PDPK1: variants seen among roughly 807,000 people sequenced by gnomAD.
The protein encoded by PDPK1 is 3-phosphoinositide-dependent protein kinase 1.
In PDPK1, 7 loss-of-function variants were observed where a neutral mutation model predicts 39.8. The observed-to-expected ratio is 0.18, with a 90% CI of 0.10 to 0.33. PDPK1 has a LOEUF of 0.33. Among genes scored for constraint, PDPK1 ranks in the 10% least tolerant of loss-of-function variants. PDPK1 has a pLI of 1.00. For missense variants in PDPK1, 182 were observed against 384.7 expected (o/e 0.47, Z 4.41); for synonymous variants, 118 against 159.1 (o/e 0.74, Z 1.95).
At chr16:2,590,921 T>C (rs1422714107) in intron 11 of PDPK1, among the ~76,000 whole-genome samples, 1 of 152,066 alleles carries the variant, frequency 6.6e-6, no homozygotes, top group African/African-American at 2.4e-5. Context: ...AGTGGTGGGA[T>C]TACAGGCGTG....
chr16:2,587,035 A>G, intron 11 of PDPK1, 142 bp downstream of exon 11: 1 of 735,262 alleles, frequency 1.4e-6, no homozygotes, highest in South Asian at 1.7e-5. Context: ...GTAAGTGCAC[A>G]GTTGGAAACA....
intron 10 of PDPK1, among the ~76,000 whole-genome samples, chr16:2,586,436 C>T (rs1264700944): frequency 1.3e-5 from 2 of 152,250 alleles, no homozygotes; most frequent in Non-Finnish European, 2.9e-5. Flanking sequence ...TCTGAGGCTT[C>T]GCCCCTCTCT....
At chr16:2,584,991 C>T (rs540393336) in intron 10 of PDPK1, among the ~76,000 whole-genome samples, 27 of 152,326 alleles carry the variant, frequency 1.8e-4, no homozygotes, top group African/African-American at 6.0e-4. Flanking sequence ...GCTGTTGCTG[C>T]AGAGGTTTTG....
At chr16:2,544,819 C>T (rs748343960) in intron 1 of PDPK1, among the ~76,000 whole-genome samples, 34 of 152,084 alleles carry the variant, frequency 2.2e-4, no homozygotes, top group Non-Finnish European at 3.5e-4. Context: ...CTCCTGACCT[C>T]GTGATCCGCC....
chr16:2,597,935 A>G lies in PDPK1; in HGVS notation c.*168A>G, dbSNP rs997224730. 1.2e-5 allele frequency: 7 copies of G among 590,734 alleles called. No individual in the cohort carries two copies. Among genetic ancestry groups the G allele is most frequent in the Non-Finnish European group, 2.1e-5 (7 of 332,544 alleles). The allele number at this position is 590,734 out of a possible 1,614,324, so 36.6% of individuals were successfully genotyped here. ...AAGAAAAGAAGAAAAAAAACACCCA[A>G]CCACACAAAGAACAAAACCAGTAAC... On this transcript the variant is annotated 3_prime_UTR_variant, in exon 14 of 14. Transcript: ENST00000342085. This position sits in a 1 kb window ranked among gnomAD's most constrained non-coding sequence, Gnocchi z 6.3.
At chr16:2,540,356 C>T (rs1234492544) in intron 1 of PDPK1, among the ~76,000 whole-genome samples, 4 of 152,206 alleles carry the variant, frequency 2.6e-5, no homozygotes, top group Non-Finnish European at 5.9e-5. Flanking sequence ...TCAAGACAGG[C>T]GCTTCCCTAG....
Position 2,599,051 on chromosome 16 carries a change from C to CA in PDPK1, c.*1285dup, listed in dbSNP as rs1327826920. 1 of 233,368 alleles carries CA rather than the reference C, an allele frequency of 4.3e-6. No homozygotes were observed. Among genetic ancestry groups the CA allele is most frequent in the Non-Finnish European group, 8.5e-6 (1 of 118,180 alleles). 14.5% of individuals were successfully genotyped at this position (233,368 alleles called of 1,614,324 possible). A position where few individuals can be genotyped will look rare whatever the true frequency, so the allele number is the denominator to read the frequency against. The stretch of plus-strand genomic sequence containing the variant: ...CTCTAGAGAGAGCCGGTTTTGGGGC[C>CA]ATTTCCCTTTGATGCTTTGGTGGCC... On this transcript the variant is annotated 3_prime_UTR_variant, in exon 14 of 14. Transcript: ENST00000342085.
intron 1 of PDPK1, chr16:2,538,999 C>G (rs1480648235): frequency 4.3e-6 from 1 of 232,290 alleles, no homozygotes; most frequent in African/African-American, 2.4e-5. Flanking sequence ...ATGGCTTTAA[C>G]ATTTGATTTA....
intron 1 of PDPK1, among the ~76,000 whole-genome samples, chr16:2,553,517 T>TTTA (rs2066456342): frequency 8.1e-6 from 1 of 123,018 alleles, no homozygotes; most frequent in Non-Finnish European, 1.7e-5. Flanking sequence ...TTTTTTTTTT[T>TTTA]TTATTAGATG....
rs906520793 is a variant in PDPK1 at position 2,603,148 on chromosome 16, G to A, written c.*5381G>A. The A allele has an allele frequency of 1.1e-4, 25 of 219,850 alleles. No homozygotes were observed. The highest frequency in any genetic ancestry group is 6.3e-5 in the Non-Finnish European group (7 of 110,238). 13.6% of individuals were successfully genotyped at this position (219,850 alleles called of 1,614,324 possible). ...AGTTACCAGATGATGAATTTTCCTC[G>A]TATGGTCAGTAGTCTTGTAATAAAA... On this transcript the variant is annotated 3_prime_UTR_variant, in exon 14 of 14. Transcript: ENST00000342085.
At position 2,600,765 on chromosome 16, in the gene PDPK1, C is replaced by T. The variant is rs541587272; in HGVS notation, c.*2998C>T. The T allele has an allele frequency of 6.9e-5, 12 of 174,566 alleles. No homozygotes were observed. In the East Asian group the frequency reaches 7.1e-4, roughly 10 times the overall value. The allele number at this position is 174,566 out of a possible 1,614,324, so 10.8% of individuals were successfully genotyped here. A position where few individuals can be genotyped will look rare whatever the true frequency, so the allele number is the denominator to read the frequency against. ...CAGGGCTCTGGGTGACTCAGTAAAA[C>T]TAACGTTTGTCTCTGACAAGATCAG... On this transcript the variant is annotated 3_prime_UTR_variant, in exon 14 of 14. Transcript: ENST00000342085.
chr16:2,542,246 G>T (rs1451600195), intron 1 of PDPK1, among the ~76,000 whole-genome samples: 4 of 152,178 alleles, frequency 2.6e-5, no homozygotes, highest in African/African-American at 9.7e-5. Flanking sequence ...TGCAACCTCC[G>T]CCTCATGGGT....
intron 10 of PDPK1, among the ~76,000 whole-genome samples, chr16:2,586,078 G>A (rs2066868611): frequency 6.6e-6 from 1 of 152,212 alleles, no homozygotes; most frequent in African/African-American, 2.4e-5. Flanking sequence ...AGTTTCCGTT[G>A]TCGACACTAG....
rs397839641 is a variant in PDPK1 at position 2,551,602 on chromosome 16, C to T, written c.25-6101C>T. 1.1e-3 allele frequency among the ~76,000 whole-genome samples: 163 copies of T among 151,254 alleles called. 1 individual carries two copies. The highest frequency in any genetic ancestry group is 2.4e-3 in the Admixed American group (36 of 14,878). On this transcript the variant is annotated intron_variant, in intron 1 of 13. Transcript: ENST00000342085. ...TGTTCGGGATCCTTTCTCTTGCTGG[C>T]TGAAGTGTTCATCTGCGTGACAGCA...
At chr16:2,580,035 G>C in intron 7 of PDPK1, 1 of 149,674 alleles carries the variant, frequency 6.7e-6, no homozygotes, top group Non-Finnish European at 1.5e-5. Context: ...GATAATAATT[G>C]GGCGTACAGG....
At chr16:2,588,137 G>A (rs73492129) in intron 11 of PDPK1, among the ~76,000 whole-genome samples, 2,987 of 152,290 alleles carry the variant, frequency 0.02, 98 homozygotes, top group African/African-American at 0.068. Context: ...CCGGCAGGTG[G>A]GGAAGACCAC....
chr16:2,540,979 C>T (rs2066234439), intron 1 of PDPK1, among the ~76,000 whole-genome samples: 1 of 152,066 alleles, frequency 6.6e-6, no homozygotes. Context: ...TTTCTCTCTC[C>T]TTTTGGGGAG....
chr16:2,538,047 A>T lies in PDPK1; in HGVS notation c.-66A>T, dbSNP rs1438481723. Reference sequence around the variant, plus strand: ...TTGCTGGGGCTCCGCTTCGGGGAGGAGGACGCTGAGGAGGCGCCGAGCCGC... The same window carrying T: ...TTGCTGGGGCTCCGCTTCGGGGAGGTGGACGCTGAGGAGGCGCCGAGCCGC... On this transcript the variant is annotated 5_prime_UTR_variant, in exon 1 of 14. Transcript: ENST00000342085. 2.7e-6 allele frequency: 2 copies of T among 740,404 alleles called. No homozygotes were observed. Among genetic ancestry groups the T allele is most frequent in the Non-Finnish European group, 3.3e-6 (2 of 600,664 alleles). 45.9% of individuals were successfully genotyped at this position (740,404 alleles called of 1,614,324 possible). A position where few individuals can be genotyped will look rare whatever the true frequency, so the allele number is the denominator to read the frequency against.
chr16:2,592,443 T>C (rs1048888866), intron 11 of PDPK1: 2 of 276,648 alleles, frequency 7.2e-6, no homozygotes, highest in African/African-American at 4.6e-5. Flanking sequence ...GCAGGGGATT[T>C]TCTGCAGGAG....
Sources: gnomAD v4.1 joint callset for allele counts (sites outside exome capture counted in the v4.1 genomes callset) on GRCh38, gnomAD v4.1.1 for gene constraint, Gnocchi (gnomAD v3.1) non-coding constraint, MANE v1.5 for transcripts, NCBI Gene and HGNC (gene_info 2026-07-23, HGNC 2026-07-21) for gene names.